Variants in QTMAN observed in about 807,000 individuals in gnomAD.
The protein encoded by QTMAN is queuosine-tRNA mannosyltransferase.
At chr2:143,987,345 G>T in the QTMAN span, among the ~76,000 whole-genome samples, 1 of 152,164 alleles carries the variant, frequency 6.6e-6, no homozygotes, top group East Asian at 1.9e-4. Flanking sequence ...AGTCTTTCTA[G>T]ACTCCGTGAA....
chr2:144,169,290 A>C, the QTMAN span, among the ~76,000 whole-genome samples: 5 of 152,176 alleles, frequency 3.3e-5, no homozygotes, highest in Non-Finnish European at 5.9e-5. Context: ...TATAAATCAG[A>C]GACAATTTGT....
At chr2:144,128,743 T>C in the QTMAN span, among the ~76,000 whole-genome samples, 1 of 152,038 alleles carries the variant, frequency 6.6e-6, no homozygotes, top group African/African-American at 2.4e-5. Flanking sequence ...ATTTCATAGA[T>C]ACCCTTCCAG....
the QTMAN span, among the ~76,000 whole-genome samples, chr2:143,980,377 C>T: frequency 6.6e-6 from 1 of 152,154 alleles, no homozygotes; most frequent in Non-Finnish European, 1.5e-5. Context: ...TGGAACTAAC[C>T]CATTTTTAAA....
chr2:144,162,936 A>G, the QTMAN span, among the ~76,000 whole-genome samples: 1 of 152,216 alleles, frequency 6.6e-6, no homozygotes, highest in Non-Finnish European at 1.5e-5. Context: ...CACAGAAACA[A>G]AAAGAGGGTG....
chr2:144,133,411 T>A, the QTMAN span, among the ~76,000 whole-genome samples: 2 of 56,042 alleles, frequency 3.6e-5, no homozygotes, highest in South Asian at 4.3e-4. Context: ...ATATAATATA[T>A]TATATATAAT....
the QTMAN span, among the ~76,000 whole-genome samples, chr2:144,157,082 C>T: frequency 2.3e-4 from 35 of 152,108 alleles, no homozygotes; most frequent in African/African-American, 6.5e-4. Flanking sequence ...TCAAGTTAGA[C>T]GTTTCAATGA....
At chr2:144,324,069 C>T in the QTMAN span, among the ~76,000 whole-genome samples, 3 of 152,120 alleles carry the variant, frequency 2.0e-5, no homozygotes, top group African/African-American at 2.4e-5. Context: ...AGTAGTTTTA[C>T]AGACTAAAAC....
chr2:143,947,150 A>C, the QTMAN span: 6 of 1,584,534 alleles, frequency 3.8e-6, no homozygotes, highest in South Asian at 6.6e-5. Context: ...AACGAGGAGG[A>C]GGGAGAGAAG....
the QTMAN span, among the ~76,000 whole-genome samples, chr2:144,160,589 A>G: frequency 6.6e-6 from 1 of 152,134 alleles, no homozygotes; most frequent in African/African-American, 2.4e-5. Context: ...AAACATGGTA[A>G]CTTATGCGCA....
At chr2:144,075,245 G>A in the QTMAN span, among the ~76,000 whole-genome samples, 1 of 152,110 alleles carries the variant, frequency 6.6e-6, no homozygotes, top group African/African-American at 2.4e-5. Flanking sequence ...AGGAGAAATC[G>A]AGAATAAGAA....
the QTMAN span, among the ~76,000 whole-genome samples, chr2:144,112,804 A>G: frequency 1.3e-5 from 2 of 152,182 alleles, no homozygotes; most frequent in Non-Finnish European, 2.9e-5. Flanking sequence ...GATGTCAGAG[A>G]GGACTTAATG....
At chr2:144,020,892 T>C in the QTMAN span, among the ~76,000 whole-genome samples, 1 of 147,454 alleles carries the variant, frequency 6.8e-6, no homozygotes, top group African/African-American at 2.6e-5. Flanking sequence ...TGCTTGCAAT[T>C]AAAAATATAA....
At chr2:144,320,028 T>C in the QTMAN span, among the ~76,000 whole-genome samples, 1 of 152,360 alleles carries the variant, frequency 6.6e-6, no homozygotes, top group South Asian at 2.1e-4. Flanking sequence ...CCTGTTCTTG[T>C]ATATCTATGA....
the QTMAN span, among the ~76,000 whole-genome samples, chr2:144,197,146 T>C: frequency 1.3e-5 from 2 of 152,172 alleles, no homozygotes; most frequent in Non-Finnish European, 2.9e-5. Context: ...TTTAATATCG[T>C]AGGCAACTAT....
chr2:144,298,027 T>C, the QTMAN span, among the ~76,000 whole-genome samples: 168 of 152,066 alleles, frequency 1.1e-3, 1 homozygote, highest in African/African-American at 3.9e-3. Flanking sequence ...TTTTAATTTT[T>C]TTTTTTTTTG....
At chr2:143,965,449 T>C in the QTMAN span, among the ~76,000 whole-genome samples, 1 of 152,210 alleles carries the variant, frequency 6.6e-6, no homozygotes, top group Non-Finnish European at 1.5e-5. Context: ...GATTTTATTA[T>C]TATTTCCCTT....
the QTMAN span, among the ~76,000 whole-genome samples, chr2:144,270,550 A>G: frequency 6.4e-4 from 98 of 152,112 alleles, no homozygotes; most frequent in Non-Finnish European, 1.2e-3. Context: ...AAACTAACAC[A>G]GGAACAGAAA....
chr2:143,986,158 C>A, the QTMAN span, among the ~76,000 whole-genome samples: 2 of 152,088 alleles, frequency 1.3e-5, no homozygotes, highest in Non-Finnish European at 2.9e-5. Flanking sequence ...TCAAAACAAT[C>A]TCTAACAAAA....
the QTMAN span, among the ~76,000 whole-genome samples, chr2:143,996,586 A>C: frequency 6.6e-6 from 1 of 152,124 alleles, no homozygotes; most frequent in South Asian, 2.1e-4. Context: ...CAGTTACATA[A>C]GGCTCACGTC....
Sources: gnomAD v4.1 joint callset for allele counts (sites outside exome capture counted in the v4.1 genomes callset) on GRCh38, gnomAD v4.1.1 for gene constraint, MANE v1.5 for transcripts, NCBI Gene and HGNC (gene_info 2026-07-23, HGNC 2026-07-21) for gene names.